The following ERBB4 variants were observed in gnomAD, a reference collection of about 807,000 sequenced individuals.
ERBB4 encodes receptor tyrosine-protein kinase erbB-4.
A neutral mutation model predicts 158.0 loss-of-function variants in ERBB4; 42 were observed. That is an observed-to-expected ratio of 0.27 (90% confidence interval 0.21 to 0.34). The LOEUF is 0.34. ERBB4 is among the 10% of genes least tolerant of loss of function. The probability of loss-of-function intolerance (pLI) is 1.00; values close to 1 mark genes in which losing one functional copy is unlikely to be tolerated. For synonymous variants in ERBB4, 583 were observed against 558.7 expected, an observed-to-expected ratio of 1.04 and a Z score of -0.61; for missense variants, 1,333 against 1,624.1, an observed-to-expected ratio of 0.82 and a Z score of 3.08.
intron 18 of ERBB4, among the ~76,000 whole-genome samples, chr2:211,621,946 G>A (rs2069621522): frequency 6.6e-6 from 1 of 152,064 alleles, no homozygotes; most frequent in African/African-American, 2.4e-5. Context: ...TGAATACGGA[G>A]ATTTGTAGCA....
chr2:211,542,779 T>C (rs961935364), intron 20 of ERBB4, among the ~76,000 whole-genome samples: 3 of 151,910 alleles, frequency 2.0e-5, no homozygotes, highest in Non-Finnish European at 2.9e-5. Context: ...GCTTTAGAAT[T>C]ATTAATAACC....
intron 1 of ERBB4, among the ~76,000 whole-genome samples, chr2:212,333,405 A>G (rs1353511060): frequency 1.3e-5 from 2 of 151,856 alleles, no homozygotes; most frequent in African/African-American, 4.8e-5. Flanking sequence ...CAGGCTGGAC[A>G]TGGTGGCTAA....
intron 4 of ERBB4, among the ~76,000 whole-genome samples, chr2:211,769,439 C>T (rs1234363242): frequency 1.3e-5 from 2 of 152,300 alleles, no homozygotes; most frequent in South Asian, 4.1e-4. Flanking sequence ...ACACCTCACT[C>T]CTGCTATCAA....
intron 14 of ERBB4, among the ~76,000 whole-genome samples, chr2:211,672,019 G>C (rs1365964015): frequency 1.3e-5 from 2 of 152,020 alleles, no homozygotes; most frequent in Non-Finnish European, 2.9e-5. Flanking sequence ...TTTCTCAGAG[G>C]TCTAATTTTC....
intron 3 of ERBB4, among the ~76,000 whole-genome samples, chr2:211,913,625 G>T (rs1042429143): frequency 9.7e-6 from 1 of 103,260 alleles, no homozygotes; most frequent in Non-Finnish European, 2.2e-5. Context: ...ATATATGTGT[G>T]TGTGTGTGTG....
intron 25 of ERBB4, among the ~76,000 whole-genome samples, chr2:211,393,218 T>C (rs1209742159): frequency 6.6e-6 from 1 of 152,196 alleles, no homozygotes; most frequent in African/African-American, 2.4e-5. Flanking sequence ...TTAGGGAAAT[T>C]AAGAAATAGA....
intron 1 of ERBB4, among the ~76,000 whole-genome samples, chr2:212,446,724 G>A (rs1314676798): frequency 6.9e-6 from 1 of 144,204 alleles, no homozygotes. Flanking sequence ...TAAAGAAAAA[G>A]TAAAATTCAG....
chr2:211,720,822 C>G (rs1257913042), intron 7 of ERBB4, among the ~76,000 whole-genome samples: 1 of 152,242 alleles, frequency 6.6e-6, no homozygotes, highest in African/African-American at 2.4e-5. Context: ...ATGTTGCATA[C>G]TTACACCGTT....
At chr2:212,352,777 A>T (rs993612630) in intron 1 of ERBB4, among the ~76,000 whole-genome samples, 3 of 152,136 alleles carry the variant, frequency 2.0e-5, no homozygotes, top group African/African-American at 7.2e-5. Flanking sequence ...CTGAGGCAGG[A>T]GAATCATTTG....
At chr2:211,721,466 T>C (rs976505268) in intron 7 of ERBB4, among the ~76,000 whole-genome samples, 16 of 49,522 alleles carry the variant, frequency 3.2e-4, no homozygotes, top group African/African-American at 1.6e-3. Flanking sequence ...AAAAAAAAAA[T>C]AGAGTCAAGT....
At chr2:211,603,230 C>CAATA (rs1553587412) in intron 19 of ERBB4, among the ~76,000 whole-genome samples, 9 of 151,460 alleles carry the variant, frequency 5.9e-5, no homozygotes, top group South Asian at 2.1e-4. Context: ...GACTCCGTCT[C>CAATA]AATAAATAAA....
intron 20 of ERBB4, among the ~76,000 whole-genome samples, chr2:211,476,095 G>C (rs1190067020): frequency 6.6e-6 from 1 of 152,086 alleles, no homozygotes; most frequent in Non-Finnish European, 1.5e-5. Context: ...GGTAGAGCTG[G>C]TGGCACTTCA....
At position 212,260,494 on chromosome 2, in the gene ERBB4, G is replaced by A. The variant is rs184332412; in HGVS notation, c.83-135591C>T. Among the ~76,000 whole-genome samples the A allele has an allele frequency of 1.2e-4, 18 of 152,258 alleles. No homozygotes were observed. In the East Asian group the frequency reaches 3.1e-3, roughly 26 times the overall value. ...CAGCGTTTTCAAAATGCCATGAGCA[G>A]CTTGTAAGTAATGGTGATGGTAGTT... On this transcript the variant is annotated intron_variant, in intron 1 of 27. Coordinates refer to ENST00000342788, the MANE Select transcript of ERBB4 (RefSeq NM_005235.3).
intron 25 of ERBB4, among the ~76,000 whole-genome samples, chr2:211,411,751 T>TATCA (rs568082739): frequency 3.3e-4 from 50 of 152,316 alleles, no homozygotes; most frequent in Non-Finnish European, 6.8e-4. Context: ...TAGGATTATA[T>TATCA]ATCATTTGAA....
intron 20 of ERBB4, among the ~76,000 whole-genome samples, chr2:211,477,963 G>A (rs910104792): frequency 3.3e-5 from 5 of 152,076 alleles, no homozygotes; most frequent in African/African-American, 1.2e-4. Context: ...CACCATTGGT[G>A]GCTTAAAAGT....
chr2:212,047,463 T>TTTTATTTATTTA lies in ERBB4; in HGVS notation c.234+77277_234+77288dup, dbSNP rs561340076. On this transcript the variant is annotated intron_variant, in intron 2 of 27. Transcript: ENST00000342788. ...TCTTGAAGATTCTCCTTCATATTAA[T>TTTTATTTATTTA]TTTATTTATTTATTTATTTATTTAT... Among the ~76,000 whole-genome samples the TTTTATTTATTTA allele has an allele frequency of 3.7e-3, 556 of 151,660 alleles. 1 individual carries two copies. Among genetic ancestry groups the TTTTATTTATTTA allele is most frequent in the African/African-American group, 0.012 (511 of 41,350 alleles).
At chr2:211,711,943 A>T (rs772964321) in intron 9 of ERBB4, 107 bp downstream of exon 9, 83 of 926,748 alleles carry the variant, frequency 9.0e-5, no homozygotes, top group Non-Finnish European at 1.3e-4. Flanking sequence ...CATTAATGAA[A>T]GGTGAAACTC....
chr2:212,037,473 C>T (rs2077042060), intron 2 of ERBB4, among the ~76,000 whole-genome samples: 1 of 152,190 alleles, frequency 6.6e-6, no homozygotes, highest in South Asian at 2.1e-4. Context: ...TGTTCAATAA[C>T]TTGTATAAAT....
At chr2:212,515,097 A>G (rs185720737) in intron 1 of ERBB4, among the ~76,000 whole-genome samples, 10 of 152,212 alleles carry the variant, frequency 6.6e-5, no homozygotes, top group Admixed American at 2.6e-4. Flanking sequence ...AAATGTCAAA[A>G]TCTGAGTATG....
Sources: gnomAD v4.1 joint callset for allele counts (sites outside exome capture counted in the v4.1 genomes callset) on GRCh38, gnomAD v4.1.1 for gene constraint, MANE v1.5 for transcripts, NCBI Gene and HGNC (gene_info 2026-07-23, HGNC 2026-07-21) for gene names.